The following NGRN variants were observed in gnomAD, a reference collection of about 807,000 sequenced individuals.
NGRN encodes the protein neugrin.
NGRN carries 12 observed loss-of-function variants against 13.1 expected under a neutral mutation model. The ratio of observed to expected loss-of-function variants is 0.92; its 90% confidence interval spans 0.59 to 1.49. NGRN has a LOEUF of 1.49. Ranked by LOEUF, NGRN falls within the 40% of genes most tolerant of loss-of-function variation. The pLI, the probability that NGRN is intolerant of heterozygous loss-of-function variation, is 0.00. For synonymous variants in NGRN, 149 were observed against 145.8 expected (o/e 1.02, Z -0.16); for missense variants, 397 against 357.0 (o/e 1.11, Z -0.90).
At chr15:90,267,856 A>G (rs908200091) in intron 2 of NGRN, among the ~76,000 whole-genome samples, 8 of 152,238 alleles carry the variant, frequency 5.3e-5, no homozygotes, top group African/African-American at 1.7e-4. Flanking sequence ...GTAGCCCTAC[A>G]TAGATTATGT....
At position 90,265,773 on chromosome 15, in the gene NGRN, G is replaced by A; in HGVS notation, c.61G>A (p.Gly21Arg). 1 of 1,613,158 alleles carries A rather than the reference G, an allele frequency of 6.2e-7. No individual in the cohort carries two copies. The highest frequency in any genetic ancestry group is 8.5e-7 in the Non-Finnish European group (1 of 1,179,826). Residue 21 changes from glycine (G) to arginine (R), a missense_variant, in exon 1 of 3, where the codon GGG becomes AGG. By Grantham distance (125) the Gly-to-Arg change is moderately radical. Transcript: ENST00000379095. The part of the protein sequence containing the change: ...GRVCAAVTRC[G>R]FATRGVAGPG... ...CGTTTGCGCCGCCGTCACTCGCTGTGGGTTCGCGACCCGGGGGGTGGCGGG... is the reference window on the plus strand; with the variant it reads ...CGTTTGCGCCGCCGTCACTCGCTGTAGGTTCGCGACCCGGGGGGTGGCGGG...
Position 90,271,896 on chromosome 15 carries a change from A to G in NGRN, c.*108A>G. On this transcript the variant is annotated 3_prime_UTR_variant, in exon 3 of 3. Coordinates refer to ENST00000379095, the MANE Select transcript of NGRN (RefSeq NM_001033088.3). ...TATGGATAAGCCACCTTGGAATAGG[A>G]AGAGGTGTTGAGCCTGGACTGTGGG... The G allele has an allele frequency of 6.8e-7, 1 of 1,461,628 alleles. No homozygotes were observed. The highest frequency in any genetic ancestry group is 9.2e-7 in the Non-Finnish European group (1 of 1,082,394). 90.5% of individuals were successfully genotyped at this position (1,461,628 alleles called of 1,614,324 possible).
intron 2 of NGRN, among the ~76,000 whole-genome samples, chr15:90,267,253 A>T (rs1341873500): frequency 6.6e-6 from 1 of 151,986 alleles, no homozygotes; most frequent in East Asian, 1.9e-4. Context: ...CTAGTCTCCA[A>T]TTCCCAGGGC....
At chr15:90,269,166 T>A (rs1963471097) in intron 2 of NGRN, among the ~76,000 whole-genome samples, 2 of 124,004 alleles carry the variant, frequency 1.6e-5, no homozygotes, top group Admixed American at 8.0e-5. Context: ...TGGCTAATTT[T>A]TTTTTTTTTT....
intron 1 of NGRN, 79 bp downstream of exon 1, chr15:90,265,955 G>T (rs900779743): frequency 2.8e-6 from 4 of 1,428,872 alleles, no homozygotes; most frequent in Non-Finnish European, 3.6e-6. Context: ...CCTTGGCGCC[G>T]GGTGTCCTGC....
chr15:90,271,066 G>A, intron 2 of NGRN, 122 bp from the exon 3 acceptor site: 1 of 1,150,394 alleles, frequency 8.7e-7, no homozygotes, highest in Non-Finnish European at 1.2e-6. Flanking sequence ...AGAGTTCTGG[G>A]ATTACAGGTG....
At chr15:90,266,168 G>A (rs1963415532) in intron 1 of NGRN, 120 bp from the exon 2 acceptor site, 1 of 1,477,154 alleles carries the variant, frequency 6.8e-7, no homozygotes, top group Non-Finnish European at 9.0e-7. Context: ...CGGCAACATG[G>A]CCCGGTTGCC....
At chr15:90,270,604 A>G (rs980527689) in intron 2 of NGRN, among the ~76,000 whole-genome samples, 13 of 152,086 alleles carry the variant, frequency 8.5e-5, no homozygotes, top group Middle Eastern at 3.2e-3. Context: ...CTCCCAAACT[A>G]TGTAATGGGA....
intron 2 of NGRN, among the ~76,000 whole-genome samples, 160 bp downstream of exon 2, chr15:90,266,558 C>T (rs1963425754): frequency 6.6e-6 from 1 of 152,124 alleles, no homozygotes; most frequent in Non-Finnish European, 1.5e-5. Flanking sequence ...TAACGAACTT[C>T]CCTAACCCTG....
rs753299210 is a variant in NGRN, at chr15:90,271,507, C to T, written c.595C>T (p.His199Tyr). The T allele has an allele frequency of 3.7e-6, 6 of 1,613,946 alleles. No individual in the cohort carries two copies. In the South Asian group the frequency reaches 5.5e-5, roughly 15 times the overall value. ...TALKVIESDT[H>Y]RTNTPRRRKG... is the part of the protein sequence containing the mutation. The stretch of plus-strand genomic sequence containing the variant: ...TTTGAAAGTGATAGAGTCAGACACT[C>T]ACAGGACAAATACACCAAGGAGAAG... Residue 199 changes from histidine (H) to tyrosine (Y), a missense_variant, in exon 3 of 3, where the codon CAC (histidine) becomes TAC (tyrosine). His to Tyr is a moderately conservative substitution (Grantham distance 83). Transcript: ENST00000379095.
intron 2 of NGRN, among the ~76,000 whole-genome samples, chr15:90,270,337 G>A (rs185614170): frequency 2.0e-5 from 3 of 152,186 alleles, no homozygotes; most frequent in Non-Finnish European, 4.4e-5. Flanking sequence ...CCCAACAAAG[G>A]TGATGTGCCG....
At position 90,272,080 on chromosome 15, in the gene NGRN, T is replaced by C; in HGVS notation, c.*292T>C. On this transcript the variant is annotated 3_prime_UTR_variant, in exon 3 of 3. Coordinates refer to ENST00000379095, the MANE Select transcript of NGRN (RefSeq NM_001033088.3). ...TTACAATTTTCTGTGATACTTGCAATTTATGTTTGAGAAGAAGTGAAAAGT... is the reference window on the plus strand; with the variant it reads ...TTACAATTTTCTGTGATACTTGCAACTTATGTTTGAGAAGAAGTGAAAAGT... 2.7e-6 allele frequency: 1 copy of C among 367,852 alleles called. No individual in the cohort carries two copies. The highest frequency in any genetic ancestry group is 4.9e-6 in the Non-Finnish European group (1 of 202,522). 22.8% of individuals were successfully genotyped at this position (367,852 alleles called of 1,614,324 possible).
chr15:90,265,830 G>A lies in NGRN; in HGVS notation c.118G>A (p.Asp40Asn), dbSNP rs779965708. ...PGPIGREPDPDSDWEPEEREL... is the reference protein window; with the variant it reads ...PGPIGREPDPNSDWEPEEREL... ...CCCTATTGGCCGGGAGCCGGACCCC[G>A]ATTCCGACTGGGAGCCGGAGGAACG... The change falls in exon 1 of 3, where the codon GAT becomes AAT. Residue 40 changes from aspartate to asparagine, a missense_variant. Asp to Asn is a conservative substitution (Grantham distance 23, BLOSUM62 1). Transcript: ENST00000379095. The A allele has an allele frequency of 6.2e-7, 1 of 1,608,872 alleles. No homozygotes were observed. Among genetic ancestry groups the A allele is most frequent in the African/African-American group, 1.3e-5 (1 of 74,844 alleles).
intron 2 of NGRN, among the ~76,000 whole-genome samples, chr15:90,270,176 T>C: frequency 6.6e-6 from 1 of 152,112 alleles, no homozygotes; most frequent in South Asian, 2.1e-4. Context: ...GAGTGAGCCA[T>C]TGTGCCAGGC....
At chr15:90,268,327 T>G (rs894588313) in intron 2 of NGRN, among the ~76,000 whole-genome samples, 1 of 152,062 alleles carries the variant, frequency 6.6e-6, no homozygotes, top group Non-Finnish European at 1.5e-5. Flanking sequence ...CAACAATAGC[T>G]TTTTCAAACC....
At chr15:90,265,968 C>G in intron 1 of NGRN, 92 bp downstream of exon 1, 11 of 1,423,632 alleles carry the variant, frequency 7.7e-6, no homozygotes, top group Non-Finnish European at 9.1e-6. Context: ...TGTCCTGCCG[C>G]TGCTTGCGCA....
chr15:90,265,979 G>C, intron 1 of NGRN, 103 bp downstream of exon 1: 1 of 1,424,056 alleles, frequency 7.0e-7, no homozygotes, highest in Admixed American at 3.1e-5. Context: ...TGCTTGCGCA[G>C]CGGCCCTTGT....
At chr15:90,266,514 C>A in intron 2 of NGRN, 116 bp downstream of exon 2, 1 of 759,698 alleles carries the variant, frequency 1.3e-6, no homozygotes. Context: ...TACTTTTTGT[C>A]GTTGAAATTT....
intron 2 of NGRN, among the ~76,000 whole-genome samples, chr15:90,268,732 C>T (rs1963463031): frequency 6.6e-6 from 1 of 151,970 alleles, no homozygotes; most frequent in Non-Finnish European, 1.5e-5. Flanking sequence ...CTTTGTAGTC[C>T]TTAGCGTCCT....
Sources: allele counts gnomAD v4.1 joint callset (sites outside exome capture counted in the v4.1 genomes callset), GRCh38; gene constraint gnomAD v4.1.1; transcripts MANE v1.5; gene names NCBI Gene and HGNC (gene_info 2026-07-23, HGNC 2026-07-21).